The following SOX6 variants were observed in gnomAD, a reference collection of about 807,000 sequenced individuals.
SOX6 encodes the protein transcription factor SOX-6.
In SOX6, 11 loss-of-function variants were observed where a neutral mutation model predicts 97.8. The observed-to-expected ratio is 0.11, with a 90% CI of 0.07 to 0.19. The LOEUF (loss-of-function observed/expected upper bound fraction) is 0.19, where lower values mean the gene tolerates loss of function less well. SOX6 is among the 10% of genes least tolerant of loss of function. The pLI, the probability that SOX6 is intolerant of heterozygous loss-of-function variation, is 1.00. For missense variants in SOX6, 810 were observed against 1,039.5 expected (o/e 0.78, Z 3.04); for synonymous variants, 360 against 371.4 (o/e 0.97, Z 0.35).
intron 4 of SOX6, among the ~76,000 whole-genome samples, chr11:16,556,746 C>T (rs1847753051): frequency 6.6e-6 from 1 of 151,692 alleles, no homozygotes; most frequent in South Asian, 2.1e-4. Flanking sequence ...TGTTCTTGCA[C>T]TTTGTTCTAT....
chr11:16,152,321 G>A (rs1377962740), intron 6 of SOX6, among the ~76,000 whole-genome samples: 2 of 152,064 alleles, frequency 1.3e-5, no homozygotes, highest in African/African-American at 2.4e-5. Flanking sequence ...AGTCACAGGC[G>A]TGTTTGACCC....
intron 3 of SOX6, among the ~76,000 whole-genome samples, chr11:16,703,301 T>C (rs1361938464): frequency 6.6e-6 from 1 of 152,194 alleles, no homozygotes; most frequent in Non-Finnish European, 1.5e-5. Context: ...GTAAGATTCT[T>C]AGAACACCTG....
intron 12 of SOX6, among the ~76,000 whole-genome samples, chr11:16,043,044 A>T (rs1245798736): frequency 1.3e-5 from 2 of 152,178 alleles, no homozygotes; most frequent in African/African-American, 4.8e-5. Flanking sequence ...CCCCTTCATT[A>T]AAAAGGCCCA....
chr11:16,617,168 T>C (rs1848481724), intron 3 of SOX6, among the ~76,000 whole-genome samples: 1 of 151,878 alleles, frequency 6.6e-6, no homozygotes, highest in African/African-American at 2.4e-5. Context: ...ATTTTTACAC[T>C]TTCATCAGAA....
intron 3 of SOX6, among the ~76,000 whole-genome samples, chr11:16,675,315 AT>A (rs1847876647): frequency 6.6e-6 from 1 of 152,038 alleles, no homozygotes. Context: ...ACATCCAGCT[AT>A]TTTTTTAAAT....
intron 4 of SOX6, among the ~76,000 whole-genome samples, chr11:16,229,388 A>T (rs1852782330): frequency 1.3e-5 from 2 of 152,052 alleles, no homozygotes; most frequent in Non-Finnish European, 2.9e-5. Flanking sequence ...CAAACAAAAG[A>T]AAAGGCATAA....
chr11:16,217,410 TG>T (rs1332169472), intron 4 of SOX6, among the ~76,000 whole-genome samples: 1 of 152,182 alleles, frequency 6.6e-6, no homozygotes, highest in African/African-American at 2.4e-5. Context: ...TTGCTGTCGA[TG>T]AATATCAAAG....
chr11:16,116,490 T>C (rs1849350714), intron 6 of SOX6, among the ~76,000 whole-genome samples: 1 of 151,972 alleles, frequency 6.6e-6, no homozygotes, highest in Admixed American at 6.6e-5. Flanking sequence ...AGATCTAAGA[T>C]AAGGAATATG....
intron 4 of SOX6, among the ~76,000 whole-genome samples, chr11:16,499,687 T>C (rs1232874228): frequency 6.6e-6 from 1 of 152,106 alleles, no homozygotes; most frequent in Non-Finnish European, 1.5e-5. Flanking sequence ...AACACCTCTA[T>C]GCAAATAAAC....
intron 4 of SOX6, among the ~76,000 whole-genome samples, chr11:16,202,736 A>G (rs556915777): frequency 6.6e-6 from 1 of 152,314 alleles, no homozygotes; most frequent in Admixed American, 6.5e-5. Context: ...GAAGTTTCCA[A>G]GAATGGCTTT....
chr11:16,427,583 G>T (rs1353479289), intron 1 of SOX6, among the ~76,000 whole-genome samples: 1 of 151,774 alleles, frequency 6.6e-6, no homozygotes, highest in South Asian at 2.1e-4. Context: ...TGAGGTGTTT[G>T]GTTTTTTGTC....
At chr11:16,378,210 G>A (rs1394956581) in intron 1 of SOX6, among the ~76,000 whole-genome samples, 1 of 152,086 alleles carries the variant, frequency 6.6e-6, no homozygotes, top group Admixed American at 6.6e-5. Flanking sequence ...TTGTGGATTC[G>A]TTAAATTAAA....
At chr11:16,656,998 T>C (rs1847725098) in intron 3 of SOX6, among the ~76,000 whole-genome samples, 2 of 152,200 alleles carry the variant, frequency 1.3e-5, no homozygotes, top group African/African-American at 4.8e-5. Flanking sequence ...TACATTAGAG[T>C]TTACTGTATG....
At chr11:16,140,143 C>T (rs1564977882) in intron 6 of SOX6, among the ~76,000 whole-genome samples, 1 of 152,180 alleles carries the variant, frequency 6.6e-6, no homozygotes, top group East Asian at 1.9e-4. Flanking sequence ...TGAGCCACTT[C>T]CCCACTTGAC....
At chr11:16,704,050 C>T (rs1035130606) in intron 3 of SOX6, among the ~76,000 whole-genome samples, 1 of 152,136 alleles carries the variant, frequency 6.6e-6, no homozygotes, top group African/African-American at 2.4e-5. Flanking sequence ...GCAATAACTT[C>T]CTTTTAGAGT....
intron 4 of SOX6, among the ~76,000 whole-genome samples, chr11:16,512,162 C>A (rs1332243911): frequency 1.3e-5 from 2 of 152,042 alleles, no homozygotes; most frequent in African/African-American, 4.8e-5. Flanking sequence ...TCAAGGTAGA[C>A]AAGAAAAGAG....
intron 1 of SOX6, among the ~76,000 whole-genome samples, chr11:16,426,681 G>C (rs542631861): frequency 6.6e-6 from 1 of 151,878 alleles, no homozygotes; most frequent in Non-Finnish European, 1.5e-5. Context: ...TTGGGAGGCC[G>C]AGGCGGGCGG....
chr11:16,415,710 A>G (rs1355091409), intron 1 of SOX6, among the ~76,000 whole-genome samples: 1 of 152,204 alleles, frequency 6.6e-6, no homozygotes, highest in Non-Finnish European at 1.5e-5. Flanking sequence ...ATTAAAAATT[A>G]TATGCACAAA....
At chr11:16,193,073 A>T (rs1301050625) in intron 4 of SOX6, among the ~76,000 whole-genome samples, 1 of 152,240 alleles carries the variant, frequency 6.6e-6, no homozygotes, top group Non-Finnish European at 1.5e-5. Flanking sequence ...ATGTGATGAC[A>T]ACTAAGTTTT....
Sources: allele counts gnomAD v4.1 joint callset (sites outside exome capture counted in the v4.1 genomes callset), GRCh38; gene constraint gnomAD v4.1.1; transcripts MANE v1.5; gene names NCBI Gene and HGNC (gene_info 2026-07-23, HGNC 2026-07-21).